Variants in SPPL2B observed in about 807,000 individuals in gnomAD.
The protein encoded by SPPL2B is signal peptide peptidase like 2B, also known as signal peptide peptidase-like 2B.
Under a neutral mutation model 59.7 loss-of-function variants are expected in SPPL2B, and 39 were observed. That is an observed-to-expected ratio of 0.65 (90% CI 0.51 to 0.85). The LOEUF is 0.85. Among genes scored for constraint, SPPL2B ranks in the 40% least tolerant of loss-of-function variants. The probability of loss-of-function intolerance (pLI) is 0.00; values close to 1 mark genes in which losing one functional copy is unlikely to be tolerated. For missense variants in SPPL2B, 865 were observed against 849.0 expected, an observed-to-expected ratio of 1.02 and a Z score of -0.23; for synonymous variants, 419 against 370.8, an observed-to-expected ratio of 1.13 and a Z score of -1.49.
At chr19:2,341,062 T>C (rs7245824) in intron 8 of SPPL2B, 48 bp downstream of exon 8, 1,348,845 of 1,399,142 alleles carry the variant, frequency 0.96, 650,371 homozygotes, top group East Asian at 1. Context: ...AGTCCTCGGG[T>C]GCACCAGGGC....
rs538262462 is a variant in SPPL2B at position 2,343,152 on chromosome 19, C to T, written c.957-59C>T. Reference sequence around the variant, plus strand: ...AGGGCCCTGTGTGGCTCGTGGGAGGCGGCGTCCTGGGTGGTCAGCCAGCCT... The same window carrying T: ...AGGGCCCTGTGTGGCTCGTGGGAGGTGGCGTCCTGGGTGGTCAGCCAGCCT... On this transcript the variant is annotated intron_variant, in intron 8 of 14. Coordinates refer to ENST00000613503, the MANE Select transcript of SPPL2B (RefSeq NM_152988.3). 17 of 1,393,442 alleles carry T rather than the reference C, an allele frequency of 1.2e-5. No homozygotes were observed. In the East Asian group the frequency reaches 1.7e-4, roughly 14 times the overall value. 86.3% of individuals were successfully genotyped at this position (1,393,442 alleles called of 1,614,324 possible).
intron 13 of SPPL2B, among the ~76,000 whole-genome samples, chr19:2,350,833 C>T (rs548088631): frequency 6.6e-6 from 1 of 152,216 alleles, no homozygotes; most frequent in Non-Finnish European, 1.5e-5. Flanking sequence ...TGGCAGCCCT[C>T]CCCTGCGGGT....
chr19:2,340,156 C>T lies in SPPL2B; in HGVS notation c.823C>T (p.Pro275Ser). The change falls in exon 7 of 15, where the codon CCC becomes TCC. Residue 275 changes from proline (P) to serine (S), a missense_variant. Transcript: ENST00000613503. ...CCTGGCGCCCTGTGTGCGGCGGCTG[C>T]CCTTCGGCAAGTGCAGGTGAGTCTG... Reference protein sequence around the residue: ...SCLAPCVRRLPFGKCRIPNNS... With the variant: ...SCLAPCVRRLSFGKCRIPNNS... The T allele has an allele frequency of 1.3e-6, 2 of 1,573,776 alleles. No homozygotes were observed. The highest frequency in any genetic ancestry group is 1.2e-5 in the South Asian group (1 of 86,876).
In SPPL2B at chr19:2,353,350, A is replaced by C. The variant is rs1249856257; in HGVS notation, c.*141A>C. ...CCCCACCCGCCCCAACATGGTGCTC[A>C]TCCTTGCCGAGACCCCTGCGGTCTG... On this transcript the variant is annotated 3_prime_UTR_variant, in exon 15 of 15. Transcript: ENST00000613503. 2.7e-6 allele frequency: 3 copies of C among 1,097,166 alleles called. No homozygotes were observed. Among genetic ancestry groups the C allele is most frequent in the East Asian group, 2.7e-5 (1 of 37,634 alleles). The allele number at this position is 1,097,166 out of a possible 1,614,324, so 68.0% of individuals were successfully genotyped here.
rs1227942717 is a variant in SPPL2B at position 2,351,527 on chromosome 19, T to C, written c.1448T>C (p.Val483Ala). The C allele has an allele frequency of 6.2e-7, 1 of 1,611,250 alleles. No individual in the cohort carries two copies. The highest frequency in any genetic ancestry group is 1.3e-5 in the African/African-American group (1 of 74,948). ...ALLYLVPCTL[V>A]TSCAVALWRR... ...CTCTACCTGGTGCCCTGCACGCTGG[T>C]GACGAGCTGCGCTGTGGCGCTCTGG... The change falls in exon 14 of 15, where the codon GTG (valine) becomes GCG (alanine). Residue 483 changes from valine (V) to alanine (A), a missense_variant. Val to Ala is a moderately conservative substitution (Grantham distance 64, BLOSUM62 0). Coordinates refer to ENST00000613503, the MANE Select transcript of SPPL2B (RefSeq NM_152988.3).
chr19:2,341,714 A>C (rs939260028), intron 8 of SPPL2B: 5 of 416,138 alleles, frequency 1.2e-5, no homozygotes, highest in African/African-American at 1.0e-4. Context: ...GAAGATGTGA[A>C]AATATTTTGA....
intron 13 of SPPL2B, among the ~76,000 whole-genome samples, chr19:2,348,633 C>G (rs529232089): frequency 6.9e-6 from 1 of 145,472 alleles, no homozygotes; most frequent in East Asian, 2.2e-4. Context: ...CACACACTCA[C>G]ACGCTGTCAT....
At chr19:2,341,694 C>G (rs981181230) in intron 8 of SPPL2B, 4 of 423,434 alleles carry the variant, frequency 9.4e-6, no homozygotes, top group South Asian at 1.6e-5. Flanking sequence ...GCACGTTTAA[C>G]TGGCAGAAGG....
intron 2 of SPPL2B, among the ~76,000 whole-genome samples, chr19:2,336,650 T>C (rs1047830234): frequency 2.6e-5 from 4 of 151,740 alleles, no homozygotes; most frequent in Non-Finnish European, 5.9e-5. Flanking sequence ...TGTGCGTGTG[T>C]GTGTGCATGT....
chr19:2,336,566 G>T (rs1968629204), intron 2 of SPPL2B, among the ~76,000 whole-genome samples: 1 of 152,166 alleles, frequency 6.6e-6, no homozygotes, highest in African/African-American at 2.4e-5. Context: ...TAATAGGTGT[G>T]TGTGCGTGAG....
intron 7 of SPPL2B, 52 bp from the exon 8 acceptor site, chr19:2,340,846 G>A (rs1201704473): frequency 2.6e-6 from 3 of 1,174,998 alleles, no homozygotes; most frequent in Non-Finnish European, 3.6e-6. Context: ...GTGGGCAGTG[G>A]GATGAGGCCG....
At chr19:2,352,113 G>C (rs1039211343) in intron 14 of SPPL2B, among the ~76,000 whole-genome samples, 1 of 152,212 alleles carries the variant, frequency 6.6e-6, no homozygotes, top group Non-Finnish European at 1.5e-5. Context: ...AGGGTTAAAC[G>C]TGAGATGCAG....
intron 1 of SPPL2B, among the ~76,000 whole-genome samples, chr19:2,329,494 C>T (rs557612925): frequency 6.6e-6 from 1 of 152,278 alleles, no homozygotes; most frequent in South Asian, 2.1e-4. Context: ...TACGAGATCG[C>T]ACTGTCATAA....
chr19:2,329,561 C>T (rs901312116), intron 1 of SPPL2B, among the ~76,000 whole-genome samples: 18 of 152,134 alleles, frequency 1.2e-4, no homozygotes, highest in African/African-American at 4.3e-4. Flanking sequence ...TTCGGTGGCT[C>T]AGGCAATGGA....
chr19:2,330,561 G>C (rs1968232978), intron 1 of SPPL2B: 1 of 151,742 alleles, frequency 6.6e-6, no homozygotes, highest in Admixed American at 6.6e-5. Flanking sequence ...GTGGGCTGTG[G>C]CTGGAGTGTA....
rs1244273216 is a variant in SPPL2B at position 2,344,140 on chromosome 19, C to T, written c.1113+101C>T. 272 of 498,418 alleles carry T rather than the reference C, an allele frequency of 5.5e-4. 2 individuals are homozygous for T. The highest frequency in any genetic ancestry group is 4.9e-3 in the South Asian group (256 of 52,222). 30.9% of individuals were successfully genotyped at this position (498,418 alleles called of 1,614,324 possible). On this transcript the variant is annotated intron_variant, in intron 10 of 14. Transcript: ENST00000613503. The stretch of plus-strand genomic sequence containing the variant: ...CCCCCATCACCCCGCCCCCTCGTCC[C>T]GCCCCCTCGTCCCCCTCCACCCCAC...
In SPPL2B at chr19:2,332,436, G is replaced by A. The variant is rs955270902; in HGVS notation, c.67-2166G>A. On this transcript the variant is annotated intron_variant, in intron 1 of 14. Transcript: ENST00000613503. This position sits in a 1 kb window ranked among gnomAD's most constrained non-coding sequence, Gnocchi z 4.6. Reference sequence around the variant, plus strand: ...TCCCCAGTCCTAGCTTGGCAGAGCTGCGTCTGCACTGTTTTCCCTTGTGGC... The same window carrying A: ...TCCCCAGTCCTAGCTTGGCAGAGCTACGTCTGCACTGTTTTCCCTTGTGGC... Among the ~76,000 whole-genome samples the A allele has an allele frequency of 6.6e-6, 1 of 152,246 alleles. No individual in the cohort carries two copies. The highest frequency in any genetic ancestry group is 1.5e-5 in the Non-Finnish European group (1 of 68,052).
intron 1 of SPPL2B, among the ~76,000 whole-genome samples, chr19:2,331,541 G>A (rs979152488): frequency 2.6e-5 from 4 of 152,132 alleles, no homozygotes; most frequent in East Asian, 3.8e-4. Flanking sequence ...GAGATGCCGC[G>A]TTCTCTGGCC....
chr19:2,328,723 T>A lies in SPPL2B; in HGVS notation c.14T>A (p.Val5Glu), dbSNP rs1254841268. 13 of 1,452,154 alleles carry A rather than the reference T, an allele frequency of 9.0e-6. No individual in the cohort carries two copies. Among genetic ancestry groups the A allele is most frequent in the Non-Finnish European group, 9.0e-7 (1 of 1,111,524 alleles). The allele number at this position is 1,452,154 out of a possible 1,614,324, so 90.0% of individuals were successfully genotyped here. Residue 5 changes from valine to glutamate, a missense_variant, in exon 1 of 15, where the codon GTG (valine) becomes GAG (glutamate). Coordinates refer to ENST00000613503, the MANE Select transcript of SPPL2B (RefSeq NM_152988.3). ...GCACCGGCCGACATGGCGGCAGCGG[T>A]GGCGGCTGCGCTGGCGCGGCTTTTG... Reference protein sequence around the residue: MAAAVAAALARLLAA... With the variant: MAAAEAAALARLLAA...
Sources: gnomAD v4.1 joint callset for allele counts (sites outside exome capture counted in the v4.1 genomes callset) on GRCh38, gnomAD v4.1.1 for gene constraint, Gnocchi (gnomAD v3.1) non-coding constraint, MANE v1.5 for transcripts, NCBI Gene and HGNC (gene_info 2026-07-23, HGNC 2026-07-21) for gene names.